Variants in SLC14A2 observed in about 807,000 individuals in gnomAD.
The protein encoded by SLC14A2 is solute carrier family 14 member 2, also known as urea transporter 2.
SLC14A2 carries 91 observed loss-of-function variants against 104.6 expected under a neutral mutation model. That is an observed-to-expected ratio of 0.87 (90% CI 0.73 to 1.04). SLC14A2 has a LOEUF of 1.04. SLC14A2 is among the 50% of genes least tolerant of loss of function. SLC14A2 has a pLI of 0.00. For synonymous variants in SLC14A2, 476 were observed against 466.4 expected, an observed-to-expected ratio of 1.02 and a Z score of -0.27; for missense variants, 1,189 against 1,156.0, an observed-to-expected ratio of 1.03 and a Z score of -0.41.
At chr18:45,334,501 A>G (rs2085319459) in intron 1 of SLC14A2, among the ~76,000 whole-genome samples, 1 of 152,224 alleles carries the variant, frequency 6.6e-6, no homozygotes, top group Non-Finnish European at 1.5e-5. Context: ...AGAATAAGAA[A>G]GAAAGTTCTT....
At chr18:45,534,741 C>T (rs949396939) in intron 2 of SLC14A2, among the ~76,000 whole-genome samples, 1 of 151,998 alleles carries the variant, frequency 6.6e-6, no homozygotes, top group African/African-American at 2.4e-5. Context: ...AATTATAAAC[C>T]GAGGAACCTC....
At chr18:45,178,464 G>C in the SLC14A2 span, among the ~76,000 whole-genome samples, 1 of 152,098 alleles carries the variant, frequency 6.6e-6, no homozygotes, top group Non-Finnish European at 1.5e-5. Context: ...TAATAAGCCA[G>C]TAATTTAGAG....
intron 1 of SLC14A2, 28 bp from the exon 2 acceptor site, chr18:45,624,603 C>T: frequency 6.5e-7 from 1 of 1,548,662 alleles, no homozygotes; most frequent in Non-Finnish European, 8.8e-7. Context: ...TCCTGACTCA[C>T]TAGCTCTTTC....
intron 1 of SLC14A2, among the ~76,000 whole-genome samples, chr18:45,244,330 G>A (rs931082148): frequency 6.6e-6 from 1 of 152,104 alleles, no homozygotes; most frequent in African/African-American, 2.4e-5. Context: ...AAAAAAGCCG[G>A]GGGGAGGGGG....
At chr18:45,429,997 C>G (rs2086489912) in intron 1 of SLC14A2, among the ~76,000 whole-genome samples, 1 of 152,208 alleles carries the variant, frequency 6.6e-6, no homozygotes, top group South Asian at 2.1e-4. Context: ...TGCGCTGTCT[C>G]TTGATCCTCA....
At chr18:45,219,286 C>G (rs2084039613) in intron 1 of SLC14A2, among the ~76,000 whole-genome samples, 1 of 152,150 alleles carries the variant, frequency 6.6e-6, no homozygotes, top group South Asian at 2.1e-4. Context: ...ATACTCTTGT[C>G]TGCATTTTTG....
chr18:45,237,745 A>T (rs915403499), intron 1 of SLC14A2, among the ~76,000 whole-genome samples: 1 of 152,196 alleles, frequency 6.6e-6, no homozygotes, highest in Non-Finnish European at 1.5e-5. Context: ...GAGGCAAAAG[A>T]TGATTCTCCT....
chr18:45,545,488 A>C (rs1242918932), intron 2 of SLC14A2, among the ~76,000 whole-genome samples: 1 of 152,212 alleles, frequency 6.6e-6, no homozygotes, highest in South Asian at 2.1e-4. Context: ...ATAGAAGAGA[A>C]CATATGTCTG....
intron 1 of SLC14A2, among the ~76,000 whole-genome samples, chr18:45,325,770 C>T (rs1400752771): frequency 6.6e-6 from 1 of 152,138 alleles, no homozygotes; most frequent in East Asian, 1.9e-4. Context: ...TCAATGGATG[C>T]TAACCAGGGA....
intron 2 of SLC14A2, among the ~76,000 whole-genome samples, chr18:45,576,108 A>G (rs2044415072): frequency 6.6e-6 from 1 of 152,164 alleles, no homozygotes. Flanking sequence ...TGTTTCAGAT[A>G]CTTATGACTG....
intron 1 of SLC14A2, among the ~76,000 whole-genome samples, chr18:45,308,689 C>G (rs1454242451): frequency 1.3e-5 from 2 of 152,176 alleles, no homozygotes; most frequent in African/African-American, 4.8e-5. Flanking sequence ...CTTGCCATCC[C>G]TTACAGTGTG....
At chr18:45,547,183 A>G (rs1002782040) in intron 2 of SLC14A2, among the ~76,000 whole-genome samples, 1 of 152,162 alleles carries the variant, frequency 6.6e-6, no homozygotes, top group African/African-American at 2.4e-5. Context: ...GCTAAACAAA[A>G]GGAAAAAAAA....
the SLC14A2 span, among the ~76,000 whole-genome samples, chr18:45,178,111 G>C: frequency 6.6e-6 from 1 of 152,098 alleles, no homozygotes; most frequent in Non-Finnish European, 1.5e-5. Flanking sequence ...TCAGAAGATT[G>C]GGCTCCATGT....
chr18:45,295,419 A>G (rs186973461), intron 1 of SLC14A2, among the ~76,000 whole-genome samples: 87 of 152,068 alleles, frequency 5.7e-4, no homozygotes, highest in Non-Finnish European at 2.1e-4. Flanking sequence ...GACGAGCATT[A>G]TTATGGGTTG....
chr18:45,320,873 C>T (rs2085178374), intron 1 of SLC14A2, among the ~76,000 whole-genome samples: 1 of 152,206 alleles, frequency 6.6e-6, no homozygotes. Context: ...GCCTTCTCAT[C>T]TAAAAGTGCC....
At chr18:45,615,767 G>C (rs2045055739) in intron 1 of SLC14A2, among the ~76,000 whole-genome samples, 185 bp downstream of exon 1, 1 of 151,898 alleles carries the variant, frequency 6.6e-6, no homozygotes, top group Non-Finnish European at 1.5e-5. Flanking sequence ...GCCACCTCGG[G>C]GCAGCTTGTG....
At chr18:45,176,501 C>T in the SLC14A2 span, among the ~76,000 whole-genome samples, 2 of 152,108 alleles carry the variant, frequency 1.3e-5, no homozygotes, top group Non-Finnish European at 2.9e-5. Context: ...TTCACTTCCT[C>T]CCATTCCCAA....
intron 2 of SLC14A2, 127 bp downstream of exon 2, chr18:45,624,941 G>A: frequency 1.1e-6 from 1 of 915,308 alleles, no homozygotes; most frequent in Non-Finnish European, 1.6e-6. Flanking sequence ...GTCAGTACAT[G>A]GTGACACCCA....
At chr18:45,241,135 C>G (rs919009347) in intron 1 of SLC14A2, among the ~76,000 whole-genome samples, 7 of 152,204 alleles carry the variant, frequency 4.6e-5, no homozygotes, top group Admixed American at 6.5e-5. Context: ...AGAGCAGCAA[C>G]TCCCCTGGCA....
Sources: allele counts gnomAD v4.1 joint callset (sites outside exome capture counted in the v4.1 genomes callset), GRCh38; gene constraint gnomAD v4.1.1; transcripts MANE v1.5; gene names NCBI Gene and HGNC (gene_info 2026-07-23, HGNC 2026-07-21).